The following DEDD2 variants were observed in gnomAD, a reference collection of about 807,000 sequenced individuals.
The protein encoded by DEDD2 is DNA-binding death effector domain-containing protein 2.
In DEDD2, 18 loss-of-function variants were observed where a neutral mutation model predicts 28.9. That is an observed-to-expected ratio of 0.62 (90% CI 0.43 to 0.92). The LOEUF is 0.92. DEDD2 is among the 40% of genes least tolerant of loss of function. The pLI, the probability that DEDD2 is intolerant of heterozygous loss-of-function variation, is 0.00. For synonymous variants in DEDD2, 211 were observed against 206.1 expected (o/e 1.02, Z -0.20); for missense variants, 411 against 463.3 (o/e 0.89, Z 1.04).
intron 4 of DEDD2, among the ~76,000 whole-genome samples, chr19:42,208,593 T>C (rs774716344): frequency 1.1e-3 from 164 of 152,328 alleles, no homozygotes; most frequent in Non-Finnish European, 1.6e-3. Context: ...TGCCAGTGCC[T>C]GGCGCATGGA....
At chr19:42,211,186 C>G (rs951907542) in intron 3 of DEDD2, among the ~76,000 whole-genome samples, 2 of 151,858 alleles carry the variant, frequency 1.3e-5, no homozygotes, top group African/African-American at 4.8e-5. Flanking sequence ...CAACCTGGAA[C>G]CCGGGCAACA....
At position 42,210,028 on chromosome 19, in the gene DEDD2, A is replaced by G. The variant is rs547806761; in HGVS notation, c.449-188T>C. 2.0e-4 allele frequency among the ~76,000 whole-genome samples: 30 copies of G among 152,240 alleles called. No homozygotes were observed. The South Asian group carries it at 2.5e-3, about 13-fold the overall frequency. ...CTAGCATCATCTAGAAGGGCAAATG[A>G]GTACACCCCAGCACGCTGCAGCAGG... On this transcript the variant is annotated intron_variant, in intron 3 of 4. Transcript: ENST00000596251.
chr19:42,209,352 G>A (rs2035656983), intron 4 of DEDD2, among the ~76,000 whole-genome samples: 1 of 152,232 alleles, frequency 6.6e-6, no homozygotes, highest in Non-Finnish European at 1.5e-5. Flanking sequence ...CAGGCAGCCT[G>A]ATCCAGGATC....
chr19:42,214,181 C>T (rs1052019730), intron 3 of DEDD2, among the ~76,000 whole-genome samples: 1 of 152,270 alleles, frequency 6.6e-6, no homozygotes, highest in African/African-American at 2.4e-5. Context: ...GTGGCCAGGG[C>T]GCAGTGGCTC....
intron 3 of DEDD2, among the ~76,000 whole-genome samples, chr19:42,214,028 G>T (rs144410495): frequency 1.3e-5 from 2 of 151,942 alleles, no homozygotes; most frequent in Non-Finnish European, 2.9e-5. Flanking sequence ...ACTTTCAAAG[G>T]GTTCAACAAA....
At chr19:42,203,169 C>G (rs994924667) in intron 4 of DEDD2, among the ~76,000 whole-genome samples, 4 of 152,114 alleles carry the variant, frequency 2.6e-5, no homozygotes, top group Admixed American at 2.0e-4. Flanking sequence ...CTCCAGTGCC[C>G]GAGCTCTTAA....
intron 4 of DEDD2, among the ~76,000 whole-genome samples, chr19:42,207,560 A>T (rs1238572654): frequency 1.3e-5 from 2 of 151,976 alleles, no homozygotes; most frequent in Admixed American, 1.3e-4. Flanking sequence ...CTCATGTTTC[A>T]TTAGGGCACT....
At chr19:42,205,852 G>A (rs939775782) in intron 4 of DEDD2, among the ~76,000 whole-genome samples, 3 of 151,960 alleles carry the variant, frequency 2.0e-5, no homozygotes, top group African/African-American at 7.2e-5. Flanking sequence ...GGAGGCCAAG[G>A]CAGGTGAATC....
intron 4 of DEDD2, among the ~76,000 whole-genome samples, chr19:42,209,365 T>C (rs752241306): frequency 9.2e-5 from 14 of 152,194 alleles, no homozygotes; most frequent in Admixed American, 4.6e-4. Flanking sequence ...CCAGGATCGT[T>C]GTTTTTTTAC....
rs887754355 is a variant in DEDD2 at position 42,217,058 on chromosome 19, C to G, written c.-38-13G>C. 19 of 1,527,752 alleles carry G rather than the reference C, an allele frequency of 1.2e-5. No individual in the cohort carries two copies. Among genetic ancestry groups the G allele is most frequent in the African/African-American group, 5.5e-5 (4 of 72,516 alleles). The allele number at this position is 1,527,752 out of a possible 1,614,324, so 94.6% of individuals were successfully genotyped here. A position where few individuals can be genotyped will look rare whatever the true frequency, so the allele number is the denominator to read the frequency against. On this transcript the variant is annotated splice_polypyrimidine_tract_variant and intron_variant, in intron 1 of 4. Transcript: ENST00000596251. Reference sequence around the variant, plus strand: ...CTCAGAACCCGGCCTAGAACCCACACAGCGGGGAGGGGGCAGTGGTCAGCG... The same window carrying G: ...CTCAGAACCCGGCCTAGAACCCACAGAGCGGGGAGGGGGCAGTGGTCAGCG...
intron 3 of DEDD2, among the ~76,000 whole-genome samples, chr19:42,212,655 G>A (rs922643155): frequency 1.3e-5 from 2 of 152,066 alleles, no homozygotes; most frequent in Non-Finnish European, 2.9e-5. Context: ...TATAGAGACA[G>A]GGTTTTGCCA....
intron 3 of DEDD2, among the ~76,000 whole-genome samples, chr19:42,211,404 G>A (rs923189074): frequency 7.8e-6 from 1 of 127,428 alleles, no homozygotes; most frequent in East Asian, 2.8e-4. Flanking sequence ...AGAAGAAAAG[G>A]AAGGAAGGAA....
chr19:42,203,485 G>A (rs148895888), intron 4 of DEDD2, among the ~76,000 whole-genome samples: 84 of 152,312 alleles, frequency 5.5e-4, no homozygotes, highest in African/African-American at 1.9e-3. Flanking sequence ...TGGCAGGAAC[G>A]TGGAGGGGAG....
At chr19:42,206,396 C>T (rs181002805) in intron 4 of DEDD2, among the ~76,000 whole-genome samples, 40 of 152,272 alleles carry the variant, frequency 2.6e-4, no homozygotes, top group African/African-American at 8.9e-4. Context: ...CTTTCTCCCA[C>T]CACAGCACAA....
chr19:42,200,689 C>G (rs187606305), intron 4 of DEDD2, among the ~76,000 whole-genome samples: 1 of 152,204 alleles, frequency 6.6e-6, no homozygotes, highest in Non-Finnish European at 1.5e-5. Context: ...GCAGGGCCAG[C>G]CCCAGAGATA....
intron 4 of DEDD2, among the ~76,000 whole-genome samples, chr19:42,202,702 T>G (rs2035380576): frequency 6.6e-6 from 1 of 152,212 alleles, no homozygotes. Flanking sequence ...CAGGCTCTAC[T>G]CAAGGGCTTT....
chr19:42,201,947 G>A (rs914061798), intron 4 of DEDD2: 4 of 398,670 alleles, frequency 1.0e-5, no homozygotes, highest in Non-Finnish European at 1.8e-5. Flanking sequence ...CCCAGGAGTG[G>A]TTGGCCACAG....
intron 4 of DEDD2, among the ~76,000 whole-genome samples, chr19:42,207,424 A>T (rs151236443): frequency 6.6e-5 from 10 of 152,062 alleles, no homozygotes; most frequent in African/African-American, 2.2e-4. Flanking sequence ...ACCAGCTCCA[A>T]CTTGGTCTTC....
At chr19:42,204,812 C>A (rs1341550494) in intron 4 of DEDD2, among the ~76,000 whole-genome samples, 1 of 132,660 alleles carries the variant, frequency 7.5e-6, no homozygotes, top group Non-Finnish European at 1.5e-5. Context: ...ATGGTGGGAA[C>A]CCTCCCAGCA....
Sources: allele counts gnomAD v4.1 joint callset (sites outside exome capture counted in the v4.1 genomes callset), GRCh38; gene constraint gnomAD v4.1.1; transcripts MANE v1.5; gene names NCBI Gene and HGNC (gene_info 2026-07-23, HGNC 2026-07-21).